NAV2: variants seen among roughly 807,000 people sequenced by gnomAD.
NAV2 encodes helicase, APC down-regulated 1.
In NAV2, 54 loss-of-function variants were observed where a neutral mutation model predicts 223.2. The ratio of observed to expected loss-of-function variants is 0.24; its 90% CI spans 0.19 to 0.30. The LOEUF (loss-of-function observed/expected upper bound fraction) is 0.30. Ranked by LOEUF, NAV2 falls within the 10% of genes least tolerant of loss-of-function variation. The pLI, the probability that NAV2 is intolerant of heterozygous loss-of-function variation, is 1.00. For synonymous variants in NAV2, 1,279 were observed against 1,239.3 expected, an observed-to-expected ratio of 1.03 and a Z score of -0.67; for missense variants, 2,806 against 3,147.5, an observed-to-expected ratio of 0.89 and a Z score of 2.60.
In NAV2 at chr11:20,080,153, T is replaced by A; in HGVS notation, c.5269T>A (p.Ser1757Thr). 6.2e-7 allele frequency: 1 copy of A among 1,613,996 alleles called. No homozygotes were observed. Among genetic ancestry groups the A allele is most frequent in the South Asian group, 1.1e-5 (1 of 91,068 alleles). Residue 1757 changes from serine to threonine, a missense_variant, in exon 25 of 38, where the codon TCC (serine) becomes ACC (threonine). Around this residue, in one of 4 missense-constraint regions of NAV2, gnomAD observed 824 missense variants for 1,069.4 expected, o/e 0.77. Coordinates refer to ENST00000349880, the MANE Select transcript of NAV2 (RefSeq NM_145117.5). The stretch of plus-strand genomic sequence containing the variant: ...CAGCATCAACAGTGCCACCAGCCAC[T>A]CCAGCGTGGGCAGCAACATAGAGAG... ...VSSINSATSH[S>T]SVGSNIESDS... is the part of the protein sequence containing the mutation.
chr11:19,689,554 T>A (rs2152256274), intron 1 of NAV2, among the ~76,000 whole-genome samples: 1 of 152,346 alleles, frequency 6.6e-6, no homozygotes, highest in South Asian at 2.1e-4. Flanking sequence ...CCAGCTAAAT[T>A]GCCTTTTGGT....
chr11:19,700,016 G>T (rs1043888565), intron 1 of NAV2, among the ~76,000 whole-genome samples: 2 of 152,142 alleles, frequency 1.3e-5, no homozygotes, highest in African/African-American at 4.8e-5. Context: ...ACTTAGTGTC[G>T]TAGCAATGGA....
intron 1 of NAV2, among the ~76,000 whole-genome samples, chr11:19,495,358 C>G (rs1314392800): frequency 6.6e-6 from 1 of 152,172 alleles, no homozygotes; most frequent in Non-Finnish European, 1.5e-5. Flanking sequence ...AGGCTATAAA[C>G]AGACCACTGT....
At chr11:19,968,598 G>C (rs576242458) in intron 10 of NAV2, among the ~76,000 whole-genome samples, 1 of 152,278 alleles carries the variant, frequency 6.6e-6, no homozygotes, top group East Asian at 1.9e-4. Flanking sequence ...AGGGAATTCT[G>C]CTTTGCCTTC....
At chr11:19,653,807 T>C (rs546774676) in intron 1 of NAV2, among the ~76,000 whole-genome samples, 23 of 152,284 alleles carry the variant, frequency 1.5e-4, no homozygotes, top group African/African-American at 5.5e-4. Flanking sequence ...AATTTTCCCA[T>C]GGTAACGCAT....
chr11:19,481,769 T>C (rs1221777891), intron 1 of NAV2, among the ~76,000 whole-genome samples: 1 of 152,206 alleles, frequency 6.6e-6, no homozygotes, highest in Non-Finnish European at 1.5e-5. Flanking sequence ...ACTCTGTAGT[T>C]GAGTGTATTG....
At chr11:19,605,548 A>G (rs1167738975) in intron 1 of NAV2, among the ~76,000 whole-genome samples, 2 of 151,938 alleles carry the variant, frequency 1.3e-5, no homozygotes, top group Non-Finnish European at 2.9e-5. Context: ...AAAAAAAAAA[A>G]AAAGAAAGTC....
chr11:19,878,889 C>T (rs1326756619), intron 4 of NAV2, among the ~76,000 whole-genome samples: 1 of 152,202 alleles, frequency 6.6e-6, no homozygotes, highest in Admixed American at 6.5e-5. Context: ...ACCCCTCTAA[C>T]AAGGCCTTTG....
chr11:19,832,545 A>T lies in NAV2; in HGVS notation c.329A>T (p.Asp110Val). Residue 110 changes from aspartate to valine, a missense_variant, in exon 2 of 38, where the codon GAT becomes GTT. This residue lies in a region of NAV2 where 1,167 missense variants were observed against 1,180.5 expected (regional missense o/e 0.99). Coordinates refer to ENST00000349880, the MANE Select transcript of NAV2 (RefSeq NM_145117.5). ...TCCGGCCACAAGCGTCTCATCAGGG[A>T]TCTCCAGCAAGATGTGACAGATGGC... ...AKSGHKRLIR[D>V]LQQDVTDGVL... 1 of 1,614,184 alleles carries T rather than the reference A, an allele frequency of 6.2e-7. No homozygotes were observed. The highest frequency in any genetic ancestry group is 8.5e-7 in the Non-Finnish European group (1 of 1,180,022).
At chr11:19,945,899 C>A (rs2046901836) in intron 8 of NAV2, among the ~76,000 whole-genome samples, 1 of 152,244 alleles carries the variant, frequency 6.6e-6, no homozygotes, top group South Asian at 2.1e-4. Context: ...ATACATCTAA[C>A]AAGGAAGAAG....
At chr11:20,116,253 T>A (rs188896548) in intron 37 of NAV2, among the ~76,000 whole-genome samples, 170 of 152,268 alleles carry the variant, frequency 1.1e-3, no homozygotes, top group African/African-American at 3.9e-3. Context: ...GCTAATTAAG[T>A]CCCTAGATTA....
intron 11 of NAV2, among the ~76,000 whole-genome samples, chr11:20,031,375 T>C (rs2055714959): frequency 6.6e-6 from 1 of 152,218 alleles, no homozygotes; most frequent in African/African-American, 2.4e-5. Flanking sequence ...TTGATTAGAT[T>C]CAACCAGTGT....
chr11:20,085,847 T>C (rs1022498500), intron 26 of NAV2, among the ~76,000 whole-genome samples: 2 of 152,208 alleles, frequency 1.3e-5, no homozygotes, highest in African/African-American at 4.8e-5. Context: ...AAGAGGCTTA[T>C]GTCGCCTCTT....
At chr11:19,846,630 G>A (rs999567473) in intron 3 of NAV2, among the ~76,000 whole-genome samples, 4 of 152,178 alleles carry the variant, frequency 2.6e-5, no homozygotes, top group African/African-American at 7.2e-5. Context: ...TAAGGCTTAT[G>A]AGCCCATCAC....
At chr11:19,480,797 T>C (rs979961307) in intron 1 of NAV2, among the ~76,000 whole-genome samples, 1 of 152,228 alleles carries the variant, frequency 6.6e-6, no homozygotes, top group African/African-American at 2.4e-5. Flanking sequence ...CCCCATTGAC[T>C]GCAGAAACCA....
At chr11:20,117,503 A>G (rs2063213442) in intron 37 of NAV2, among the ~76,000 whole-genome samples, 1 of 152,182 alleles carries the variant, frequency 6.6e-6, no homozygotes, top group Non-Finnish European at 1.5e-5. Context: ...TTCCTGAATC[A>G]TAAGCGAAGG....
At chr11:19,923,398 A>T (rs1008620502) in intron 6 of NAV2, among the ~76,000 whole-genome samples, 20 of 152,094 alleles carry the variant, frequency 1.3e-4, no homozygotes, top group Non-Finnish European at 2.5e-4. Flanking sequence ...ACAAAAAAAA[A>T]ATTATTTGAC....
chr11:19,969,016 C>T (rs999761605), intron 10 of NAV2, among the ~76,000 whole-genome samples: 23 of 152,178 alleles, frequency 1.5e-4, no homozygotes, highest in Admixed American at 1.3e-4. Flanking sequence ...AGAGCTCCAG[C>T]AGCTGCCTTC....
chr11:19,373,342 C>T (rs914372362), intron 1 of NAV2, among the ~76,000 whole-genome samples: 2 of 152,196 alleles, frequency 1.3e-5, no homozygotes, highest in African/African-American at 4.8e-5. Context: ...AGAGGCACTC[C>T]AAGGTCTGGC....
Sources: allele counts gnomAD v4.1 joint callset (sites outside exome capture counted in the v4.1 genomes callset), GRCh38; gene constraint gnomAD v4.1.1; regional missense constraint gnomAD v4.1.1; transcripts MANE v1.5; gene names NCBI Gene and HGNC (gene_info 2026-07-23, HGNC 2026-07-21).